Variants in NECTIN1 observed in about 807,000 individuals in gnomAD.
The protein encoded by NECTIN1 is nectin-1.
NECTIN1 carries 23 observed loss-of-function variants against 48.0 expected under a neutral mutation model. The ratio of observed to expected loss-of-function variants is 0.48; its 90% CI spans 0.34 to 0.68. NECTIN1 has a LOEUF of 0.68. Ranked by LOEUF, NECTIN1 falls within the 30% of genes least tolerant of loss-of-function variation. The pLI is 0.01. For missense variants in NECTIN1, 591 were observed against 709.9 expected, an observed-to-expected ratio of 0.83 and a Z score of 1.90; for synonymous variants, 270 against 288.9, an observed-to-expected ratio of 0.93 and a Z score of 0.66.
At chr11:119,721,075 C>T (rs1328710701) in intron 1 of NECTIN1, among the ~76,000 whole-genome samples, 1 of 152,232 alleles carries the variant, frequency 6.6e-6, no homozygotes, top group Non-Finnish European at 1.5e-5. Flanking sequence ...CAGAGTCCAT[C>T]TCTGGTGCTA....
At chr11:119,657,527 A>G (rs1864593970), downstream of NECTIN1, among the ~76,000 whole-genome samples, 1 of 151,140 alleles carries the variant, frequency 6.6e-6, no homozygotes, top group South Asian at 2.1e-4. Flanking sequence ...AGGTAGGAGA[A>G]TCACTTGAAC....
In NECTIN1 at chr11:119,728,476, T is replaced by A. The variant is rs771040868; in HGVS notation, c.78A>T (p.Pro26=). ...GACAGCAGAGGTGAGCGCTCTTACC[T>A]GGGAGGAAGAATGCGGTCAAGCCGA... ...LALGLTAFFL[P]GVHSQVVQVN... is the part of the protein sequence containing the mutation. The change falls in exon 1 of 6, where the codon CCA becomes CCT. Residue 26 remains proline, a splice_region_variant and synonymous_variant. Transcript: ENST00000264025. 1.2e-6 allele frequency: 2 copies of A among 1,601,586 alleles called. No homozygotes were observed. Among genetic ancestry groups the A allele is most frequent in the Non-Finnish European group, 1.7e-6 (2 of 1,175,358 alleles).
intron 1 of NECTIN1, among the ~76,000 whole-genome samples, chr11:119,681,564 A>G (rs931664364): frequency 3.3e-5 from 5 of 152,126 alleles, no homozygotes; most frequent in African/African-American, 1.2e-4. Context: ...CAATGCCAGG[A>G]GGGGAGACGG....
rs1219704085 is a variant in NECTIN1 at position 119,683,611 on chromosome 11, G to C, written c.80-4846C>G. 7.0e-6 allele frequency among the ~76,000 whole-genome samples: 1 copy of C among 143,606 alleles called. No individual in the cohort carries two copies. Among genetic ancestry groups the C allele is most frequent in the Admixed American group, 7.0e-5 (1 of 14,236 alleles). 94.2% of individuals were successfully genotyped at this position (143,606 alleles called of 152,430 possible). A position where few individuals can be genotyped will look rare whatever the true frequency, so the allele number is the denominator to read the frequency against. On this transcript the variant is annotated intron_variant, in intron 1 of 5. Coordinates refer to ENST00000264025, the MANE Select transcript of NECTIN1 (RefSeq NM_002855.5). The surrounding 1 kb of genome is among the most constrained non-coding windows in gnomAD (Gnocchi z 4.0). Reference sequence around the variant, plus strand: ...GTGTGTGTGTGTGTGTGTGTGTGTGGGCACTTGCAGGAGGCTGCTATGTGC... The same window carrying C: ...GTGTGTGTGTGTGTGTGTGTGTGTGCGCACTTGCAGGAGGCTGCTATGTGC...
intron 5 of NECTIN1, chr11:119,674,729 T>A (rs921879342): frequency 6.2e-7 from 1 of 1,613,484 alleles, no homozygotes; most frequent in Non-Finnish European, 8.5e-7. Context: ...GTCTCCCTGC[T>A]TGAGGTAAGC....
intron 1 of NECTIN1, among the ~76,000 whole-genome samples, chr11:119,715,679 G>T (rs10790338): frequency 0.87 from 131,663 of 152,130 alleles, 58,875 homozygotes; most frequent in South Asian, 0.98. Flanking sequence ...AACACATCTT[G>T]GCAGAATGAA....
chr11:119,717,756 C>T (rs561988140), intron 1 of NECTIN1, among the ~76,000 whole-genome samples: 10 of 152,266 alleles, frequency 6.6e-5, no homozygotes, highest in South Asian at 4.2e-4. Context: ...CTTGGGAGCC[C>T]GGCAGGCACC....
At chr11:119,704,464 G>C (rs533398828) in intron 1 of NECTIN1, among the ~76,000 whole-genome samples, 7 of 152,084 alleles carry the variant, frequency 4.6e-5, no homozygotes, top group Middle Eastern at 3.2e-3. Flanking sequence ...TGATCCACCC[G>C]CCTCGGCCTC....
rs1161621845 is a variant in NECTIN1, at chr11:119,679,357, C to T, written c.80-592G>A. On this transcript the variant is annotated intron_variant, in intron 1 of 5. Coordinates refer to ENST00000264025, the MANE Select transcript of NECTIN1 (RefSeq NM_002855.5). Reference sequence around the variant, plus strand: ...GGCTCTGGATGAGCTTGAAGGCCCACGGTGGCTGTCATCATGGCCACCCCT... The same window carrying T: ...GGCTCTGGATGAGCTTGAAGGCCCATGGTGGCTGTCATCATGGCCACCCCT... Among the ~76,000 whole-genome samples the T allele has an allele frequency of 3.9e-5, 6 of 152,264 alleles. No homozygotes were observed. The South Asian group carries it at 6.2e-4, about 16-fold the overall frequency.
chr11:119,660,211 CG>C (rs140709155), downstream of NECTIN1, among the ~76,000 whole-genome samples: 22,486 of 151,976 alleles, frequency 0.15, 2,864 homozygotes, highest in African/African-American at 0.34. Context: ...CTACTGGGTG[CG>C]GGGGGTGACG....
intron 5 of NECTIN1, among the ~76,000 whole-genome samples, chr11:119,648,268 G>GTGGTGGTGATGGTGGTGGTGA (rs1565376387): frequency 1.4e-4 from 3 of 21,760 alleles, no homozygotes. Flanking sequence ...GGTAATAGTG[G>GTGGTGGTGATGGTGGTGGTGA]TGGTGGTGAT....
intron 1 of NECTIN1, chr11:119,713,775 C>G (rs187231778): frequency 4.4e-6 from 2 of 450,962 alleles, no homozygotes; most frequent in Non-Finnish European, 8.9e-6. Flanking sequence ...CCTCACCCCC[C>G]GCCCTCTGGA....
Position 119,677,690 on chromosome 11 carries a change from T to C in NECTIN1, c.598A>G (p.Asn200Asp), listed in dbSNP as rs368738833. ...KGEAEYQEIR[N>D]PNGTVTVISR... Reference sequence around the variant, plus strand: ...ATGACCGTCACTGTGCCATTGGGGTTCCGGATCTCCTGGTACTCTGCCTCA... The same window carrying C: ...ATGACCGTCACTGTGCCATTGGGGTCCCGGATCTCCTGGTACTCTGCCTCA... The change falls in exon 3 of 6, where the codon AAC (asparagine) becomes GAC (aspartate). Residue 200 changes from asparagine (N) to aspartate (D), a missense_variant. Coordinates refer to ENST00000264025, the MANE Select transcript of NECTIN1 (RefSeq NM_002855.5). This position sits in a 1 kb window ranked among gnomAD's most constrained non-coding sequence, Gnocchi z 5.4. The C allele has an allele frequency of 6.2e-6, 10 of 1,614,020 alleles. No individual in the cohort carries two copies. In the Admixed American group the frequency reaches 6.7e-5, roughly 11 times the overall value.
chr11:119,718,337 T>C (rs915905372), intron 1 of NECTIN1, among the ~76,000 whole-genome samples: 5 of 152,142 alleles, frequency 3.3e-5, no homozygotes, highest in Admixed American at 1.3e-4. Flanking sequence ...GATCAATGCC[T>C]CTCTCCCCAG....
At chr11:119,675,762 C>T (rs562321461) in intron 4 of NECTIN1, 106 of 190,030 alleles carry the variant, frequency 5.6e-4, no homozygotes, top group African/African-American at 2.4e-3. Context: ...AATCCCAGCA[C>T]TTTGGGAGGC....
chr11:119,668,946 T>C (rs151008380), intron 5 of NECTIN1, among the ~76,000 whole-genome samples: 9 of 152,300 alleles, frequency 5.9e-5, no homozygotes, highest in Admixed American at 2.6e-4. Context: ...ATTGTTACAT[T>C]TGTGCTTTCT....
Position 119,677,665 on chromosome 11 carries a change from A to G in NECTIN1, c.623T>C (p.Ile208Thr), listed in dbSNP as rs1363291418. ...IRNPNGTVTV[I>T]SRYRLVPSRE... is the part of the protein sequence containing the mutation. The stretch of plus-strand genomic sequence containing the variant: ...GCTGGGCACCAGGCGGTAGCGGCTG[A>G]TGACCGTCACTGTGCCATTGGGGTT... The change falls in exon 3 of 6, where the codon ATC (isoleucine) becomes ACC (threonine). Residue 208 changes from isoleucine to threonine, a missense_variant. By Grantham distance (89) the Ile-to-Thr change is moderately conservative (BLOSUM62 -1). Coordinates refer to ENST00000264025, the MANE Select transcript of NECTIN1 (RefSeq NM_002855.5). The surrounding 1 kb of genome is among the most constrained non-coding windows in gnomAD (Gnocchi z 5.4). 2.5e-6 allele frequency: 4 copies of G among 1,614,078 alleles called. No homozygotes were observed. Among genetic ancestry groups the G allele is most frequent in the Non-Finnish European group, 8.5e-7 (1 of 1,180,022 alleles).
rs869196046 is a variant in NECTIN1 at position 119,647,222 on chromosome 11, T to TGA, written c.1004-7212_1004-7211dup. 2.1e-3 allele frequency among the ~76,000 whole-genome samples: 228 copies of TGA among 108,120 alleles called. 1 individual carries two copies. The highest frequency in any genetic ancestry group is 3.9e-3 in the Non-Finnish European group (193 of 49,978). 70.9% of individuals were successfully genotyped at this position (108,120 alleles called of 152,430 possible). Reference sequence around the variant, plus strand: ...GTGTGTGTGTGTGTGTGTGTGTGTGTGACTGTGACCCCCTTTGGAAAGGGT... The same window carrying TGA: ...GTGTGTGTGTGTGTGTGTGTGTGTGTGAGACTGTGACCCCCTTTGGAAAGGGT... On this transcript the variant is annotated intron_variant, in intron 5 of 7. Coordinates refer to the NECTIN1 transcript ENST00000341398.
chr11:119,666,340 G>A (rs1864769716), intron 5 of NECTIN1, among the ~76,000 whole-genome samples: 2 of 152,244 alleles, frequency 1.3e-5, no homozygotes, highest in Non-Finnish European at 2.9e-5. Context: ...AAATGAGGAG[G>A]CAGGAAAGGT....
Sources: gnomAD v4.1 joint callset for allele counts (sites outside exome capture counted in the v4.1 genomes callset) on GRCh38, gnomAD v4.1.1 for gene constraint, Gnocchi (gnomAD v3.1) non-coding constraint, MANE v1.5 for transcripts, NCBI Gene and HGNC (gene_info 2026-07-23, HGNC 2026-07-21) for gene names.